Variants in MAP3K20 observed in about 807,000 individuals in gnomAD.
MAP3K20 encodes mitogen-activated protein kinase kinase kinase 20.
In MAP3K20, 40 loss-of-function variants were observed where a neutral mutation model predicts 85.7. The observed-to-expected ratio is 0.47, with a 90% CI of 0.36 to 0.61. MAP3K20 has a LOEUF of 0.61. Ranked by LOEUF, MAP3K20 falls within the 20% of genes least tolerant of loss-of-function variation. MAP3K20 has a pLI of 0.00. For missense variants in MAP3K20, 817 were observed against 961.7 expected, an observed-to-expected ratio of 0.85 and a Z score of 1.99; for synonymous variants, 325 against 327.7, an observed-to-expected ratio of 0.99 and a Z score of 0.09.
chr2:173,181,366 G>GAA (rs34878141), intron 3 of MAP3K20, among the ~76,000 whole-genome samples: 1,844 of 146,896 alleles, frequency 0.013, 18 homozygotes, highest in Middle Eastern at 0.018. Flanking sequence ...CCCTTTCTCA[G>GAA]AAAAAAAAAA....
At chr2:173,253,863 T>A (rs1160434209) in intron 16 of MAP3K20, among the ~76,000 whole-genome samples, 1 of 149,730 alleles carries the variant, frequency 6.7e-6, no homozygotes, top group Non-Finnish European at 1.5e-5. Context: ...AGCCCAGGAG[T>A]TCCAGACCAG....
intron 8 of MAP3K20, among the ~76,000 whole-genome samples, chr2:173,200,161 T>G (rs1253807491): frequency 1.3e-5 from 2 of 152,224 alleles, no homozygotes; most frequent in Non-Finnish European, 2.9e-5. Flanking sequence ...GATATTTATC[T>G]GCTATTCTCA....
chr2:173,215,873 C>A (rs1454779827), intron 10 of MAP3K20: 1 of 152,204 alleles, frequency 6.6e-6, no homozygotes, highest in African/African-American at 2.4e-5. Context: ...TACATATATT[C>A]ATTAACTTAG....
chr2:173,226,037 G>T (rs773440324), intron 11 of MAP3K20: 32 of 985,358 alleles, frequency 3.2e-5, no homozygotes, highest in Non-Finnish European at 3.5e-5. Flanking sequence ...GTGAAAAGAC[G>T]TTGAAAGCCT....
chr2:173,229,034 G>GT (rs1684456662), intron 11 of MAP3K20, among the ~76,000 whole-genome samples: 1 of 152,230 alleles, frequency 6.6e-6, no homozygotes, highest in Admixed American at 6.5e-5. Context: ...ATTGAAGACA[G>GT]TAAGTAGTTC....
chr2:173,238,136 A>G (rs1684696068), intron 14 of MAP3K20, among the ~76,000 whole-genome samples: 1 of 152,228 alleles, frequency 6.6e-6, no homozygotes, highest in Non-Finnish European at 1.5e-5. Context: ...GCACGACAGA[A>G]TGAGACCTGG....
At chr2:173,097,176 C>T (rs187010782) in intron 2 of MAP3K20, among the ~76,000 whole-genome samples, 2 of 151,972 alleles carry the variant, frequency 1.3e-5, no homozygotes, top group Non-Finnish European at 2.9e-5. Flanking sequence ...GTCAAGAGAT[C>T]GAAACCCCGT....
At chr2:173,164,977 G>A (rs1689772807) in intron 2 of MAP3K20, among the ~76,000 whole-genome samples, 1 of 152,120 alleles carries the variant, frequency 6.6e-6, no homozygotes, top group African/African-American at 2.4e-5. Context: ...GAGGAAAGGA[G>A]AAAGGAACTG....
chr2:173,192,321 A>G (rs1690679956), intron 7 of MAP3K20, among the ~76,000 whole-genome samples: 1 of 152,180 alleles, frequency 6.6e-6, no homozygotes, highest in Admixed American at 6.5e-5. Flanking sequence ...CTGGCTTCAC[A>G]GGTTTTGGAC....
At chr2:173,243,374 T>C (rs1405360397) in intron 16 of MAP3K20, among the ~76,000 whole-genome samples, 1 of 152,092 alleles carries the variant, frequency 6.6e-6, no homozygotes, top group African/African-American at 2.4e-5. Flanking sequence ...GACGAAACCA[T>C]GTGTGCAAAA....
intron 2 of MAP3K20, among the ~76,000 whole-genome samples, chr2:173,126,308 G>A (rs557497803): frequency 4.6e-5 from 7 of 152,280 alleles, no homozygotes; most frequent in Admixed American, 2.0e-4. Flanking sequence ...TGGTATTCTA[G>A]TGGTGATATT....
chr2:173,233,911 C>T (rs997248760), intron 14 of MAP3K20, among the ~76,000 whole-genome samples: 1 of 152,190 alleles, frequency 6.6e-6, no homozygotes, highest in South Asian at 2.1e-4. Context: ...ACCTTGCTGT[C>T]TTCTCCCTCT....
intron 2 of MAP3K20, among the ~76,000 whole-genome samples, chr2:173,122,821 G>A (rs896501879): frequency 9.2e-5 from 14 of 152,054 alleles, no homozygotes; most frequent in Admixed American, 7.2e-4. Flanking sequence ...TAAATGCACC[G>A]ATCTTGTCTT....
chr2:173,265,959 A>G (rs1314620283), intron 19 of MAP3K20, 91 bp from the exon 20 acceptor site: 8 of 1,344,876 alleles, frequency 5.9e-6, no homozygotes, highest in African/African-American at 1.5e-5. Flanking sequence ...GAGCATCCCA[A>G]ACAGCCCTGA....
intron 2 of MAP3K20, among the ~76,000 whole-genome samples, chr2:173,116,296 ACT>A (rs548309473): frequency 1.5e-3 from 222 of 152,276 alleles, no homozygotes; most frequent in African/African-American, 5.2e-3. Context: ...CTTAAAATAT[ACT>A]CTCTTAGCAA....
intron 2 of MAP3K20, among the ~76,000 whole-genome samples, chr2:173,146,433 A>G (rs1689139251): frequency 6.6e-6 from 1 of 152,226 alleles, no homozygotes; most frequent in Admixed American, 6.5e-5. Context: ...CTTGTAATTC[A>G]TCCATGTAAC....
intron 2 of MAP3K20, among the ~76,000 whole-genome samples, chr2:173,138,797 A>G (rs558751459): frequency 2.6e-5 from 4 of 152,210 alleles, no homozygotes; most frequent in Non-Finnish European, 5.9e-5. Context: ...CACTTATTTG[A>G]TAACACTTTA....
At position 173,191,048 on chromosome 2, in the gene MAP3K20, C is replaced by T; in HGVS notation, c.453C>T (p.Asp151=). ...GATTCCTGTTTTCTCAGATCTGTGA[C>T]TTTGGTGCCTCTCGGTTCCATAACC... The part of the protein sequence containing the change: ...IAADGVLKIC[D]FGASRFHNHT... The change falls in exon 7 of 20, where the codon GAC becomes GAT. Residue 151 remains aspartate (D), a synonymous_variant. Coordinates refer to ENST00000375213, the MANE Select transcript of MAP3K20 (RefSeq NM_016653.3). 6.2e-7 allele frequency: 1 copy of T among 1,613,752 alleles called. No individual in the cohort carries two copies. Among genetic ancestry groups the T allele is most frequent in the Non-Finnish European group, 8.5e-7 (1 of 1,179,858 alleles).
chr2:173,134,413 TATATATATATA>T (rs1559246025), intron 2 of MAP3K20, among the ~76,000 whole-genome samples: 1 of 12,854 alleles, frequency 7.8e-5, no homozygotes, highest in East Asian at 1.4e-3. Flanking sequence ...TATATATATA[TATATATATATA>T]TATATTTTTT....
Sources: gnomAD v4.1 joint callset for allele counts (sites outside exome capture counted in the v4.1 genomes callset) on GRCh38, gnomAD v4.1.1 for gene constraint, MANE v1.5 for transcripts, NCBI Gene and HGNC (gene_info 2026-07-23, HGNC 2026-07-21) for gene names.